The following DENND5A variants were observed in gnomAD, a reference collection of about 807,000 sequenced individuals.
The protein encoded by DENND5A is DENN domain-containing protein 5A.
In DENND5A, 64 loss-of-function variants were observed where a neutral mutation model predicts 140.3. The ratio of observed to expected loss-of-function variants is 0.46; its 90% confidence interval spans 0.37 to 0.56. The LOEUF (loss-of-function observed/expected upper bound fraction) is 0.56, where lower values mean the gene tolerates loss of function less well. Among genes scored for constraint, DENND5A ranks in the 20% least tolerant of loss-of-function variants. DENND5A has a pLI of 0.00. For missense variants in DENND5A, 1,292 were observed against 1,593.8 expected (o/e 0.81, Z 3.22); for synonymous variants, 605 against 607.7 (o/e 1.00, Z 0.07).
At chr11:9,264,712 C>T (rs567246199) in intron 1 of DENND5A, among the ~76,000 whole-genome samples, 6 of 152,260 alleles carry the variant, frequency 3.9e-5, no homozygotes, top group African/African-American at 1.4e-4. Context: ...ACACACAACC[C>T]TCCCTCTTTC....
intron 5 of DENND5A, among the ~76,000 whole-genome samples, chr11:9,184,847 T>C (rs1848855475): frequency 6.6e-6 from 1 of 152,250 alleles, no homozygotes; most frequent in Admixed American, 6.5e-5. Flanking sequence ...ATAAATGTTA[T>C]GTATTTCTTC....
chr11:9,150,582 C>A, intron 14 of DENND5A, 98 bp downstream of exon 14: 1 of 769,980 alleles, frequency 1.3e-6, no homozygotes, highest in South Asian at 1.8e-5. Flanking sequence ...AGCTGAGATG[C>A]TGTAGCAGCC....
At chr11:9,177,788 A>T (rs188901391) in intron 8 of DENND5A, 1 of 179,592 alleles carries the variant, frequency 5.6e-6, no homozygotes, top group African/African-American at 2.4e-5. Flanking sequence ...CTGAATAAAA[A>T]GACAGAATCT....
At chr11:9,141,873 G>T in intron 22 of DENND5A, 67 bp downstream of exon 22, 1 of 1,455,598 alleles carries the variant, frequency 6.9e-7, no homozygotes. Flanking sequence ...CCCCTGCACT[G>T]CACCAGGCCT....
intron 1 of DENND5A, among the ~76,000 whole-genome samples, chr11:9,259,532 C>T (rs1852100070): frequency 6.6e-6 from 1 of 152,124 alleles, no homozygotes; most frequent in African/African-American, 2.4e-5. Flanking sequence ...TGCCACTGCA[C>T]GCCAGCCTGG....
intron 1 of DENND5A, among the ~76,000 whole-genome samples, chr11:9,213,001 A>T (rs1297385827): frequency 7.1e-5 from 9 of 126,268 alleles, no homozygotes; most frequent in African/African-American, 1.2e-4. Context: ...CCTGGTTCTG[A>T]TTTTTTTTTT....
At position 9,139,753 on chromosome 11, in the gene DENND5A, T is replaced by A; in HGVS notation, c.3782A>T (p.Asn1261Ile). The change falls in exon 23 of 23, where the codon AAT becomes ATT. Residue 1261 changes from asparagine (N) to isoleucine (I), a missense_variant. Physicochemically the swap from Asn to Ile is moderately radical, Grantham distance 149 (BLOSUM62 -3). Around this residue, in one of 4 missense-constraint regions of DENND5A, gnomAD observed 498 missense variants for 689.7 expected, o/e 0.72. Coordinates refer to ENST00000328194, the MANE Select transcript of DENND5A (RefSeq NM_015213.4). ...VALIKDHTLV[N>I]SLIRVLQTLQ... ...TGTCTGCAGCACACGAATCAAGGAA[T>A]TGACAAGTGTATGGTCTTTGATCAG... The A allele has an allele frequency of 6.2e-7, 1 of 1,614,078 alleles. No homozygotes were observed. The highest frequency in any genetic ancestry group is 8.5e-7 in the Non-Finnish European group (1 of 1,179,998).
At chr11:9,250,181 G>C (rs948851304) in intron 1 of DENND5A, among the ~76,000 whole-genome samples, 2 of 151,832 alleles carry the variant, frequency 1.3e-5, no homozygotes, top group African/African-American at 4.8e-5. Flanking sequence ...CTACACTGAG[G>C]GATTTCTGAG....
intron 1 of DENND5A, among the ~76,000 whole-genome samples, chr11:9,234,759 G>C (rs925118845): frequency 6.6e-6 from 1 of 152,164 alleles, no homozygotes. Context: ...ATAACTAGCC[G>C]AACCCATCCC....
rs958364586 is a variant in DENND5A at position 9,142,637 on chromosome 11, A to C, written c.3511+85T>G. 3.2e-5 allele frequency: 49 copies of C among 1,529,152 alleles called. No individual in the cohort carries two copies. In the East Asian group the frequency reaches 1.1e-3, roughly 35 times the overall value. 94.7% of individuals were successfully genotyped at this position (1,529,152 alleles called of 1,614,324 possible). A position where few individuals can be genotyped will look rare whatever the true frequency, so the allele number is the denominator to read the frequency against. ...TCACCTAATTTGGGTTCTGCCTCTC[A>C]GAGTGGTCAGCACCCATGCTATGCT... On this transcript the variant is annotated intron_variant, in intron 21 of 22. Transcript: ENST00000328194.
chr11:9,251,988 C>T (rs904551673), intron 1 of DENND5A, among the ~76,000 whole-genome samples: 4 of 138,692 alleles, frequency 2.9e-5, no homozygotes, highest in African/African-American at 5.4e-5. Flanking sequence ...GACTCTGTCT[C>T]GCGAAAAAAA....
intron 12 of DENND5A, among the ~76,000 whole-genome samples, chr11:9,156,528 G>A (rs1847806917): frequency 1.3e-5 from 2 of 152,126 alleles, no homozygotes; most frequent in South Asian, 4.1e-4. Context: ...TCGTGAGGCT[G>A]AGGCAGGGGA....
At chr11:9,263,351 G>C (rs935041863) in intron 1 of DENND5A, among the ~76,000 whole-genome samples, 5 of 151,716 alleles carry the variant, frequency 3.3e-5, no homozygotes, top group African/African-American at 1.2e-4. Context: ...CTCCTGAGTA[G>C]CTGGGATTAC....
At position 9,160,877 on chromosome 11, in the gene DENND5A, C is replaced by G. The variant is rs746511488; in HGVS notation, c.2284-12G>C. 6.2e-7 allele frequency: 1 copy of G among 1,613,104 alleles called. No individual in the cohort carries two copies. The highest frequency in any genetic ancestry group is 8.5e-7 in the Non-Finnish European group (1 of 1,179,248). On this transcript the variant is annotated splice_polypyrimidine_tract_variant and intron_variant, in intron 11 of 22. Transcript: ENST00000328194. ...AGCATCCTCTTGGTCTACAAGGAAG[C>G]AGTCAACAGGATTAAATAACCACAG...
At chr11:9,173,645 G>A (rs888778531) in intron 8 of DENND5A, among the ~76,000 whole-genome samples, 4 of 152,188 alleles carry the variant, frequency 2.6e-5, no homozygotes, top group Admixed American at 2.6e-4. Context: ...GCACATGACT[G>A]TGCCTGGCAG....
In DENND5A at chr11:9,225,560, G is replaced by C. The variant is rs1850496140; in HGVS notation, c.110-17928C>G. 2.0e-5 allele frequency among the ~76,000 whole-genome samples: 3 copies of C among 152,082 alleles called. No homozygotes were observed. In the South Asian group the frequency reaches 6.2e-4, roughly 32 times the overall value. ...CGATCACTTGTGGTCAGGATTTCGAGAACAGCCTAGCCAACGTGGTAAAAC... is the reference window on the plus strand; with the variant it reads ...CGATCACTTGTGGTCAGGATTTCGACAACAGCCTAGCCAACGTGGTAAAAC... On this transcript the variant is annotated intron_variant, in intron 1 of 22. Transcript: ENST00000328194.
chr11:9,259,781 T>C (rs1168499702), intron 1 of DENND5A, among the ~76,000 whole-genome samples: 1 of 151,908 alleles, frequency 6.6e-6, no homozygotes, highest in African/African-American at 2.4e-5. Flanking sequence ...GTAATCCCAA[T>C]ACTTTGGGAG....
At chr11:9,149,604 A>G (rs1847544893) in intron 15 of DENND5A, among the ~76,000 whole-genome samples, 1 of 152,238 alleles carries the variant, frequency 6.6e-6, no homozygotes. Flanking sequence ...GAGTGTGGAC[A>G]GGGACTAGGG....
intron 1 of DENND5A, among the ~76,000 whole-genome samples, chr11:9,228,022 A>C (rs996957505): frequency 6.7e-6 from 1 of 149,778 alleles, no homozygotes; most frequent in African/African-American, 2.5e-5. Context: ...CTGAAGCAGG[A>C]GAATCATTTG....
Sources: allele counts gnomAD v4.1 joint callset (sites outside exome capture counted in the v4.1 genomes callset), GRCh38; gene constraint gnomAD v4.1.1; regional missense constraint gnomAD v4.1.1; transcripts MANE v1.5; gene names NCBI Gene and HGNC (gene_info 2026-07-23, HGNC 2026-07-21).